COTL1: variants seen among roughly 807,000 people sequenced by gnomAD.
The protein encoded by COTL1 is coactosin-like protein.
COTL1 carries 15 observed loss-of-function variants against 16.5 expected under a neutral mutation model. The observed-to-expected ratio is 0.91, with a 90% CI of 0.61 to 1.40. COTL1 has a LOEUF of 1.40. Ranked by LOEUF, COTL1 falls within the 40% of genes most tolerant of loss-of-function variation. The pLI is 0.00. For synonymous variants in COTL1, 112 were observed against 85.3 expected, an observed-to-expected ratio of 1.31 and a Z score of -1.73; for missense variants, 220 against 201.5, an observed-to-expected ratio of 1.09 and a Z score of -0.56.
At chr16:84,570,605 C>G (rs1352987069) in intron 3 of COTL1, among the ~76,000 whole-genome samples, 7 of 152,164 alleles carry the variant, frequency 4.6e-5, no homozygotes, top group African/African-American at 1.7e-4. Context: ...CATATGATCT[C>G]TGAAAACATT....
chr16:84,593,486 T>C (rs1397359047), intron 2 of COTL1, among the ~76,000 whole-genome samples: 1 of 1,416 alleles, frequency 7.1e-4, no homozygotes, highest in African/African-American at 8.2e-4. Flanking sequence ...GAGATAAAAG[T>C]CACATAACAA....
At chr16:84,574,890 C>A (rs1399935477) in intron 3 of COTL1, among the ~76,000 whole-genome samples, 11 of 152,152 alleles carry the variant, frequency 7.2e-5, no homozygotes, top group Non-Finnish European at 1.6e-4. Context: ...TCCATTGAAA[C>A]CTGTCTCCAC....
At chr16:84,614,547 G>T (rs547628137) in intron 2 of COTL1, among the ~76,000 whole-genome samples, 2 of 152,058 alleles carry the variant, frequency 1.3e-5, no homozygotes, top group South Asian at 2.1e-4. Context: ...AGGGAAGGGG[G>T]TGTTTCAGAG....
In COTL1 at chr16:84,590,347, G is replaced by A; in HGVS notation, c.161-85C>T. ...CCTGGGGAGAGGCTGTGAGCCACGA[G>A]TGCGCCTGGAGCAGCACAGCAGGAG... is the stretch of plus-strand genomic sequence containing the variant. On this transcript the variant is annotated intron_variant, in intron 2 of 3. Coordinates refer to ENST00000262428, the MANE Select transcript of COTL1 (RefSeq NM_021149.5). This position sits in a 1 kb window ranked among gnomAD's most constrained non-coding sequence, Gnocchi z 5.5. The A allele has an allele frequency of 1.3e-6, 2 of 1,516,902 alleles. No homozygotes were observed. Among genetic ancestry groups the A allele is most frequent in the Admixed American group, 1.8e-5 (1 of 55,316 alleles). 94.0% of individuals were successfully genotyped at this position (1,516,902 alleles called of 1,614,324 possible).
intron 3 of COTL1, among the ~76,000 whole-genome samples, chr16:84,580,813 T>A (rs1458289143): frequency 6.6e-6 from 1 of 152,168 alleles, no homozygotes; most frequent in Non-Finnish European, 1.5e-5. Context: ...GCATGGGAGC[T>A]TTTTATTTTT....
intron 3 of COTL1, among the ~76,000 whole-genome samples, chr16:84,573,511 A>C (rs1253631114): frequency 6.6e-6 from 1 of 152,232 alleles, no homozygotes; most frequent in African/African-American, 2.4e-5. Flanking sequence ...GGCCAGATGC[A>C]GTGGCTCATG....
At chr16:84,606,626 T>G (rs1023381193) in intron 2 of COTL1, among the ~76,000 whole-genome samples, 4 of 152,232 alleles carry the variant, frequency 2.6e-5, no homozygotes, top group African/African-American at 9.7e-5. Context: ...TCAGTGGTAG[T>G]GGGCGTAGCC....
At chr16:84,582,690 G>T (rs2914831) in intron 3 of COTL1, among the ~76,000 whole-genome samples, 1 of 152,094 alleles carries the variant, frequency 6.6e-6, no homozygotes, top group Admixed American at 6.5e-5. Context: ...AGGATGAATA[G>T]TTCACCAGGC....
At chr16:84,567,114 C>G (rs1904302321) in intron 3 of COTL1, 159 bp from the exon 4 acceptor site, 1 of 605,774 alleles carries the variant, frequency 1.7e-6, no homozygotes, top group South Asian at 1.8e-5. Context: ...AATTCAGCAG[C>G]AGAGTCAATG....
chr16:84,567,589 T>C (rs943729592), intron 3 of COTL1: 5 of 152,416 alleles, frequency 3.3e-5, no homozygotes, highest in African/African-American at 1.2e-4. Flanking sequence ...GGGTCTGCCA[T>C]GGGCTCTCCA....
chr16:84,588,814 G>A (rs557225174), intron 3 of COTL1, among the ~76,000 whole-genome samples: 1 of 151,830 alleles, frequency 6.6e-6, no homozygotes, highest in East Asian at 2.0e-4. Flanking sequence ...ACTGTGCTCA[G>A]CCCGTTTTTG....
At chr16:84,572,445 C>T (rs570562509) in intron 3 of COTL1, among the ~76,000 whole-genome samples, 5 of 152,278 alleles carry the variant, frequency 3.3e-5, no homozygotes, top group South Asian at 4.1e-4. Context: ...TAGAGCAATG[C>T]GGACACACAC....
chr16:84,609,217 C>T (rs1905271593), intron 2 of COTL1, among the ~76,000 whole-genome samples: 1 of 152,180 alleles, frequency 6.6e-6, no homozygotes, highest in Non-Finnish European at 1.5e-5. Context: ...TTGCCATATA[C>T]GCAGAGGTCA....
chr16:84,571,281 C>T (rs528799189), intron 3 of COTL1, among the ~76,000 whole-genome samples: 9 of 152,290 alleles, frequency 5.9e-5, no homozygotes, highest in African/African-American at 1.4e-4. Flanking sequence ...AGTGCAAAGC[C>T]GAGCAGAGAG....
chr16:84,613,293 C>T (rs1306417853), intron 2 of COTL1, among the ~76,000 whole-genome samples: 1 of 152,136 alleles, frequency 6.6e-6, no homozygotes, highest in African/African-American at 2.4e-5. Flanking sequence ...AGCCACGGCG[C>T]CCGGACTAGA....
intron 3 of COTL1, among the ~76,000 whole-genome samples, chr16:84,571,030 G>A (rs1904327386): frequency 6.6e-6 from 1 of 151,142 alleles, no homozygotes; most frequent in Non-Finnish European, 1.5e-5. Flanking sequence ...AAGATACAGT[G>A]ACCATGGCCA....
intron 3 of COTL1, among the ~76,000 whole-genome samples, chr16:84,571,638 C>T (rs554865985): frequency 3.6e-4 from 55 of 152,330 alleles, no homozygotes; most frequent in African/African-American, 1.3e-3. Flanking sequence ...AATAAAGTGT[C>T]TACATCTCCA....
chr16:84,617,737 C>A, intron 1 of COTL1, 101 bp downstream of exon 1: 1 of 1,385,412 alleles, frequency 7.2e-7, no homozygotes, highest in South Asian at 1.3e-5. Flanking sequence ...AGGAAGACAG[C>A]GCGGGAGGCC....
At chr16:84,582,286 C>T (rs1193577693) in intron 3 of COTL1, among the ~76,000 whole-genome samples, 2 of 152,236 alleles carry the variant, frequency 1.3e-5, no homozygotes, top group Non-Finnish European at 2.9e-5. Flanking sequence ...TGAGCCACTG[C>T]GCCCAGCCCA....
Sources: gnomAD v4.1 joint callset for allele counts (sites outside exome capture counted in the v4.1 genomes callset) on GRCh38, gnomAD v4.1.1 for gene constraint, Gnocchi (gnomAD v3.1) non-coding constraint, MANE v1.5 for transcripts, NCBI Gene and HGNC (gene_info 2026-07-23, HGNC 2026-07-21) for gene names.